SMYD3: variants seen among roughly 807,000 people sequenced by gnomAD.
SMYD3 encodes the protein SET and MYND domain containing 3.
A neutral mutation model predicts 57.7 loss-of-function variants in SMYD3; 36 were observed. The ratio of observed to expected loss-of-function variants is 0.62; its 90% CI spans 0.48 to 0.82. The LOEUF is 0.82. SMYD3 is among the 40% of genes least tolerant of loss of function. The pLI is 0.00. For synonymous variants in SMYD3, 211 were observed against 195.0 expected, an observed-to-expected ratio of 1.08 and a Z score of -0.68; for missense variants, 515 against 538.8, an observed-to-expected ratio of 0.96 and a Z score of 0.44.
chr1:246,159,707 AC>A (rs2062083057), intron 5 of SMYD3, among the ~76,000 whole-genome samples: 1 of 152,180 alleles, frequency 6.6e-6, no homozygotes, highest in African/African-American at 2.4e-5. Context: ...AGCTTGTAAA[AC>A]AGAAGACCAG....
At position 246,324,637 on chromosome 1, in the gene SMYD3, G is replaced by A. The variant is rs548550180; in HGVS notation, c.531+2564C>T. Reference sequence around the variant, plus strand: ...AACTGTCAGTCAGGGATAGTTGCATGTTGACCCGCTTTCCACAGCCTAATG... The same window carrying A: ...AACTGTCAGTCAGGGATAGTTGCATATTGACCCGCTTTCCACAGCCTAATG... On this transcript the variant is annotated intron_variant, in intron 5 of 11. Transcript: ENST00000490107. Among the ~76,000 whole-genome samples the A allele has an allele frequency of 1.2e-4, 18 of 151,890 alleles. No individual in the cohort carries two copies. In the East Asian group the frequency reaches 2.4e-3, roughly 20 times the overall value.
intron 5 of SMYD3, among the ~76,000 whole-genome samples, chr1:246,193,486 CAA>C (rs1209161608): frequency 6.6e-6 from 1 of 152,178 alleles, no homozygotes; most frequent in Non-Finnish European, 1.5e-5. Context: ...GTCCCTACGA[CAA>C]AAGAGGCAGC....
chr1:246,168,503 G>C (rs2062262108), intron 5 of SMYD3, among the ~76,000 whole-genome samples: 1 of 152,210 alleles, frequency 6.6e-6, no homozygotes, highest in South Asian at 2.1e-4. Context: ...ACCAAAATCT[G>C]TGAAGAACCT....
chr1:246,086,270 A>T (rs1481728640), intron 5 of SMYD3, among the ~76,000 whole-genome samples: 1 of 148,708 alleles, frequency 6.7e-6, no homozygotes, highest in African/African-American at 2.5e-5. Context: ...GGTTAGCTGA[A>T]TTCCGAAGCT....
chr1:245,919,608 G>T (rs2055713724), intron 7 of SMYD3, among the ~76,000 whole-genome samples: 1 of 152,018 alleles, frequency 6.6e-6, no homozygotes, highest in South Asian at 2.1e-4. Context: ...TCATATTTTT[G>T]GGAAAAAACA....
intron 1 of SMYD3, among the ~76,000 whole-genome samples, chr1:246,455,766 A>C (rs1305762443): frequency 6.6e-6 from 1 of 152,244 alleles, no homozygotes; most frequent in Non-Finnish European, 1.5e-5. Flanking sequence ...GGTGACTTTG[A>C]ATTCTGAAAA....
intron 5 of SMYD3, among the ~76,000 whole-genome samples, chr1:246,119,445 C>G (rs2061391527): frequency 6.8e-6 from 1 of 147,744 alleles, no homozygotes; most frequent in Non-Finnish European, 1.5e-5. Context: ...TGGAATCTCA[C>G]TTTACTGACC....
At chr1:246,071,346 A>G (rs1212793791) in intron 5 of SMYD3, among the ~76,000 whole-genome samples, 1 of 152,166 alleles carries the variant, frequency 6.6e-6, no homozygotes, top group Admixed American at 6.5e-5. Context: ...GTGGGAGAAA[A>G]CAGGGATTAA....
At chr1:245,899,251 G>GT (rs1336380604) in intron 8 of SMYD3, among the ~76,000 whole-genome samples, 2 of 148,924 alleles carry the variant, frequency 1.3e-5, no homozygotes, top group African/African-American at 5.2e-5. Context: ...ATTTACCTCT[G>GT]TATTTTTTTT....
intron 1 of SMYD3, among the ~76,000 whole-genome samples, chr1:246,494,416 T>C (rs2068325303): frequency 1.3e-5 from 2 of 152,234 alleles, no homozygotes; most frequent in African/African-American, 4.8e-5. Flanking sequence ...TAGCATTACC[T>C]GTGAAGCTTT....
chr1:246,399,312 C>T (rs1278691270), intron 1 of SMYD3, among the ~76,000 whole-genome samples: 1 of 152,034 alleles, frequency 6.6e-6, no homozygotes, highest in Non-Finnish European at 1.5e-5. Context: ...GTGTGAGCCA[C>T]CTTGCCCAGC....
chr1:246,314,512 A>T (rs2065126169), intron 5 of SMYD3, among the ~76,000 whole-genome samples: 1 of 152,256 alleles, frequency 6.6e-6, no homozygotes, highest in African/African-American at 2.4e-5. Flanking sequence ...AGTACTTGGT[A>T]GAATAAAAAA....
intron 5 of SMYD3, among the ~76,000 whole-genome samples, chr1:246,041,210 C>T (rs1171776807): frequency 1.3e-5 from 2 of 152,124 alleles, no homozygotes; most frequent in Non-Finnish European, 2.9e-5. Context: ...GTAGGTACCT[C>T]TATGATGTTT....
intron 1 of SMYD3, chr1:246,425,966 T>C (rs2067211801): frequency 1.3e-5 from 2 of 152,350 alleles, no homozygotes; most frequent in South Asian, 4.1e-4. Context: ...TTTCTTGCTA[T>C]TGTAAATGGG....
At chr1:246,109,962 A>G (rs2061203935) in intron 5 of SMYD3, 3 of 152,206 alleles carry the variant, frequency 2.0e-5, no homozygotes, top group African/African-American at 7.2e-5. Context: ...ATTATTTGAG[A>G]TAAGGATAGG....
intron 10 of SMYD3, among the ~76,000 whole-genome samples, chr1:245,844,124 C>T (rs921323255): frequency 6.6e-6 from 1 of 152,174 alleles, no homozygotes; most frequent in African/African-American, 2.4e-5. Flanking sequence ...CTTCTTCCTT[C>T]CTACAAGACA....
In SMYD3 at chr1:246,313,605, T is replaced by C. The variant is rs77092441; in HGVS notation, c.531+13596A>G. 8.3e-3 allele frequency among the ~76,000 whole-genome samples: 1,259 copies of C among 152,314 alleles called. 19 individuals are homozygous for C. Among genetic ancestry groups the C allele is most frequent in the African/African-American group, 0.028 (1,165 of 41,578 alleles). On this transcript the variant is annotated intron_variant, in intron 5 of 11. Coordinates refer to ENST00000490107, the MANE Select transcript of SMYD3 (RefSeq NM_001167740.2). ...ACCAAATGTCAATCAAAACTTGAAA[T>C]AGCGCCCATGACTGCCAAGTCTGGT...
At chr1:246,074,138 C>T (rs1044608272) in intron 5 of SMYD3, among the ~76,000 whole-genome samples, 16 of 152,206 alleles carry the variant, frequency 1.1e-4, no homozygotes, top group African/African-American at 3.6e-4. Flanking sequence ...AATTTGTCTC[C>T]TTCCAGTGTG....
chr1:246,130,647 G>T (rs36017497), intron 5 of SMYD3, among the ~76,000 whole-genome samples: 11,024 of 152,120 alleles, frequency 0.072, 723 homozygotes, highest in South Asian at 0.18. Flanking sequence ...AGAAAATGCT[G>T]TTTGGATTAA....
Sources: allele counts gnomAD v4.1 joint callset (sites outside exome capture counted in the v4.1 genomes callset), GRCh38; gene constraint gnomAD v4.1.1; transcripts MANE v1.5; gene names NCBI Gene and HGNC (gene_info 2026-07-23, HGNC 2026-07-21).